Variants in COL26A1 observed in about 807,000 individuals in gnomAD.
COL26A1 encodes the protein collagen alpha-1(XXVI) chain.
Under a neutral mutation model 59.3 loss-of-function variants are expected in COL26A1, and 41 were observed. That is an observed-to-expected ratio of 0.69 (90% CI 0.54 to 0.90). The LOEUF is 0.90. COL26A1 is among the 40% of genes least tolerant of loss of function. The probability of loss-of-function intolerance (pLI) is 0.00; values close to 1 mark genes in which losing one functional copy is unlikely to be tolerated. For missense variants in COL26A1, 612 were observed against 602.3 expected, an observed-to-expected ratio of 1.02 and a Z score of -0.17; for synonymous variants, 266 against 256.0, an observed-to-expected ratio of 1.04 and a Z score of -0.37.
intron 3 of COL26A1, among the ~76,000 whole-genome samples, chr7:101,475,021 C>T (rs76469624): frequency 4.6e-4 from 70 of 152,186 alleles, no homozygotes; most frequent in Non-Finnish European, 7.6e-4. Flanking sequence ...TGCAAAAATC[C>T]ATCTCTACTA....
chr7:101,489,752 G>GTCCCTTTCTTTCTT (rs1563007730), intron 3 of COL26A1, among the ~76,000 whole-genome samples: 3 of 25,396 alleles, frequency 1.2e-4, no homozygotes, highest in Non-Finnish European at 2.2e-4. Context: ...TTTCTTTCTT[G>GTCCCTTTCTTTCTT]TCTCTCTTTC....
chr7:101,421,090 A>C (rs1792508635), intron 2 of COL26A1, among the ~76,000 whole-genome samples: 1 of 152,118 alleles, frequency 6.6e-6, no homozygotes, highest in South Asian at 2.1e-4. Flanking sequence ...AGGGTTCTCC[A>C]GAGAACCAAT....
At chr7:101,385,262 CATAT>C (rs200945469) in intron 1 of COL26A1, among the ~76,000 whole-genome samples, 2 of 149,102 alleles carry the variant, frequency 1.3e-5, no homozygotes, top group African/African-American at 4.9e-5. Context: ...CACACACACA[CATAT>C]ATATGTGTAT....
intron 12 of COL26A1, among the ~76,000 whole-genome samples, chr7:101,556,477 G>T (rs925923700): frequency 6.6e-6 from 1 of 152,062 alleles, no homozygotes; most frequent in East Asian, 1.9e-4. Flanking sequence ...ATGGGTGGAT[G>T]CATAGATAGA....
chr7:101,447,591 C>G (rs1487312247), intron 2 of COL26A1, 93 bp from the exon 3 acceptor site: 1 of 866,208 alleles, frequency 1.2e-6, no homozygotes, highest in East Asian at 2.7e-5. Flanking sequence ...GGAGCCCTGG[C>G]TGGGCAAAAC....
chr7:101,405,894 GC>G (rs1269307462), intron 1 of COL26A1, among the ~76,000 whole-genome samples: 1 of 152,350 alleles, frequency 6.6e-6, no homozygotes, highest in East Asian at 1.9e-4. Flanking sequence ...TGCCTGTGGG[GC>G]TGGCTCTCAG....
intron 1 of COL26A1, among the ~76,000 whole-genome samples, chr7:101,376,817 G>C (rs748841251): frequency 2.0e-5 from 3 of 152,082 alleles, no homozygotes; most frequent in African/African-American, 4.8e-5. Flanking sequence ...TCAGATGCCT[G>C]TGGTGAGGAC....
intron 2 of COL26A1, among the ~76,000 whole-genome samples, chr7:101,444,569 C>A (rs1232137279): frequency 6.6e-6 from 1 of 152,048 alleles, no homozygotes; most frequent in African/African-American, 2.4e-5. Flanking sequence ...CATGCGCCAC[C>A]ACACCCAGCT....
rs183891249 is a variant in COL26A1, at chr7:101,512,811, T to C, written c.386-20271T>C. Among the ~76,000 whole-genome samples, 384 of 139,434 alleles carry C rather than the reference T, an allele frequency of 2.8e-3. 2 individuals are homozygous for C. Among genetic ancestry groups the C allele is most frequent in the African/African-American group, 9.3e-3 (349 of 37,564 alleles). 91.5% of individuals were successfully genotyped at this position (139,434 alleles called of 152,430 possible). A position where few individuals can be genotyped will look rare whatever the true frequency, so the allele number is the denominator to read the frequency against. ...TGTAGTTCTTCAGAAAATCTGTTTA[T>C]GTAATCCACCTCATTCACAGATTAG... On this transcript the variant is annotated intron_variant, in intron 3 of 12. Coordinates refer to ENST00000313669, the MANE Select transcript of COL26A1 (RefSeq NM_001278563.3).
intron 3 of COL26A1, among the ~76,000 whole-genome samples, chr7:101,477,424 A>G (rs1036184978): frequency 1.3e-5 from 2 of 152,204 alleles, no homozygotes; most frequent in Non-Finnish European, 2.9e-5. Flanking sequence ...TATGTGTATT[A>G]TAAGCCCTCA....
intron 1 of COL26A1, among the ~76,000 whole-genome samples, chr7:101,406,988 C>A (rs111719122): frequency 6.6e-6 from 1 of 152,082 alleles, no homozygotes; most frequent in Non-Finnish European, 1.5e-5. Flanking sequence ...CTACTTTCCA[C>A]GTTTTCACCT....
intron 2 of COL26A1, among the ~76,000 whole-genome samples, chr7:101,440,258 C>T (rs1793020816): frequency 1.3e-5 from 2 of 151,378 alleles, no homozygotes; most frequent in South Asian, 2.1e-4. Context: ...CCCAGCTACT[C>T]AGGAGGCTGA....
intron 3 of COL26A1, among the ~76,000 whole-genome samples, chr7:101,454,960 G>A (rs1052402905): frequency 2.6e-5 from 4 of 151,898 alleles, no homozygotes; most frequent in African/African-American, 9.7e-5. Flanking sequence ...ATTTCATAGA[G>A]CATAAATTCT....
intron 2 of COL26A1, among the ~76,000 whole-genome samples, chr7:101,446,378 T>C (rs1454533279): frequency 1.3e-5 from 2 of 152,210 alleles, no homozygotes; most frequent in Non-Finnish European, 2.9e-5. Context: ...TATTTGTCTT[T>C]CTGTGCCTGG....
rs577873291 is a variant in COL26A1 at position 101,543,461 on chromosome 7, C to T, written c.605-537C>T. Among the ~76,000 whole-genome samples the T allele has an allele frequency of 2.0e-5, 3 of 152,310 alleles. No individual in the cohort carries two copies. The South Asian group carries it at 6.2e-4, about 32-fold the overall frequency. On this transcript the variant is annotated intron_variant, in intron 5 of 12. Coordinates refer to ENST00000313669, the MANE Select transcript of COL26A1 (RefSeq NM_001278563.3). Reference sequence around the variant, plus strand: ...CTGAGCAAACATTTTTCAGCATCCTCTCTGGGCCAGAGGGAGAAAAGGCTG... The same window carrying T: ...CTGAGCAAACATTTTTCAGCATCCTTTCTGGGCCAGAGGGAGAAAAGGCTG...
intron 1 of COL26A1, among the ~76,000 whole-genome samples, chr7:101,419,181 A>T (rs1792451723): frequency 6.8e-6 from 1 of 147,860 alleles, no homozygotes; most frequent in African/African-American, 2.5e-5. Context: ...AAGTAGCATG[A>T]TCATAGCCAC....
intron 3 of COL26A1, among the ~76,000 whole-genome samples, chr7:101,471,768 TG>T (rs1379771171): frequency 1.3e-5 from 2 of 151,736 alleles, no homozygotes; most frequent in Non-Finnish European, 2.9e-5. Context: ...TTAGTAGAGA[TG>T]GGGTTTCACC....
At position 101,486,845 on chromosome 7, in the gene COL26A1, G is replaced by A. The variant is rs1282827372; in HGVS notation, c.385+39058G>A. ...TAATGGATTCCAGGATGGAATTTAT[G>A]TTCCTTTGGAATCAGACCCTGTACG... On this transcript the variant is annotated intron_variant, in intron 3 of 12. Transcript: ENST00000313669. 3.3e-5 allele frequency among the ~76,000 whole-genome samples: 5 copies of A among 152,228 alleles called. No homozygotes were observed. In the East Asian group the frequency reaches 9.6e-4, roughly 29 times the overall value.
At chr7:101,382,796 A>T (rs1001003253) in intron 1 of COL26A1, among the ~76,000 whole-genome samples, 1 of 152,210 alleles carries the variant, frequency 6.6e-6, no homozygotes, top group Admixed American at 6.5e-5. Context: ...CTGTAATCCA[A>T]GCACTTTGGG....
Sources: allele counts gnomAD v4.1 joint callset (sites outside exome capture counted in the v4.1 genomes callset), GRCh38; gene constraint gnomAD v4.1.1; transcripts MANE v1.5; gene names NCBI Gene and HGNC (gene_info 2026-07-23, HGNC 2026-07-21).